Variants in DYNLL1 observed in about 807,000 individuals in gnomAD.
The protein encoded by DYNLL1 is dynein light chain 1, cytoplasmic.
Under a neutral mutation model 10.1 loss-of-function variants are expected in DYNLL1, and 3 were observed. That is an observed-to-expected ratio of 0.30 (90% CI 0.14 to 0.77). The LOEUF (loss-of-function observed/expected upper bound fraction) is 0.77, where lower values mean the gene tolerates loss of function less well. Among genes scored for constraint, DYNLL1 ranks in the 30% least tolerant of loss-of-function variants. DYNLL1 has a pLI of 0.66. For missense variants in DYNLL1, 47 were observed against 111.7 expected (o/e 0.42, Z 2.61); for synonymous variants, 46 against 41.2 (o/e 1.12, Z -0.45).
chr12:120,489,117 T>C (rs1303219124), intron 1 of DYNLL1, among the ~76,000 whole-genome samples: 2 of 152,172 alleles, frequency 1.3e-5, no homozygotes, highest in East Asian at 3.9e-4. Flanking sequence ...TCAGAGAATA[T>C]TGCTAGCTGA....
At chr12:120,488,541 T>C (rs1479883449) in intron 1 of DYNLL1, 1 of 152,198 alleles carries the variant, frequency 6.6e-6, no homozygotes. Flanking sequence ...ATAGGAACTG[T>C]GTCTGACTCG....
intron 2 of DYNLL1, chr12:120,496,793 C>T (rs1868432686): frequency 4.9e-6 from 3 of 618,452 alleles, no homozygotes; most frequent in Non-Finnish European, 8.4e-6. Flanking sequence ...AAAGCGCCAC[C>T]TAGCAACGGT....
At chr12:120,476,229 C>T (rs667913) in intron 1 of DYNLL1, among the ~76,000 whole-genome samples, 111,417 of 151,918 alleles carry the variant, frequency 0.73, 42,010 homozygotes, top group African/African-American at 0.92. Flanking sequence ...TAATGAACTG[C>T]GTCAATATAA....
chr12:120,496,377 G>A, intron 1 of DYNLL1, 39 bp from the exon 2 acceptor site: 1 of 1,610,862 alleles, frequency 6.2e-7, no homozygotes, highest in Non-Finnish European at 8.5e-7. Context: ...TGGGGGGCGC[G>A]GCCCAACTCA....
rs1868538856 is a variant in DYNLL1 at position 120,498,387 on chromosome 12, A to G, written c.*177A>G. 1 of 626,130 alleles carries G rather than the reference A, an allele frequency of 1.6e-6. No individual in the cohort carries two copies. The highest frequency in any genetic ancestry group is 3.1e-5 in the South Asian group (1 of 32,260). 38.8% of individuals were successfully genotyped at this position (626,130 alleles called of 1,614,324 possible). A position where few individuals can be genotyped will look rare whatever the true frequency, so the allele number is the denominator to read the frequency against. On this transcript the variant is annotated 3_prime_UTR_variant, in exon 3 of 3. Transcript: ENST00000242577. Reference sequence around the variant, plus strand: ...ACTAGTTTGTCGTGGTTATAAAACAATTAGCAGAATAGCCTACATTTGTAT... The same window carrying G: ...ACTAGTTTGTCGTGGTTATAAAACAGTTAGCAGAATAGCCTACATTTGTAT...
intron 1 of DYNLL1, among the ~76,000 whole-genome samples, chr12:120,474,728 C>T (rs1168601594): frequency 6.6e-6 from 1 of 152,170 alleles, no homozygotes; most frequent in Non-Finnish European, 1.5e-5. Context: ...CAGTCATGAG[C>T]TCCTCCCAGA....
At chr12:120,490,145 C>T (rs1450448358) in intron 1 of DYNLL1, among the ~76,000 whole-genome samples, 2 of 152,170 alleles carry the variant, frequency 1.3e-5, no homozygotes, top group Non-Finnish European at 2.9e-5. Context: ...AAAAAGGAAA[C>T]TTTGCCTATT....
chr12:120,496,357 A>G, intron 1 of DYNLL1, 59 bp from the exon 2 acceptor site: 1 of 1,604,854 alleles, frequency 6.2e-7, no homozygotes, highest in Non-Finnish European at 8.5e-7. Flanking sequence ...GGGTGGGGGC[A>G]GTTAGTGCCT....
At chr12:120,496,740 A>AT in intron 2 of DYNLL1, 187 bp downstream of exon 2, 79 of 710,146 alleles carry the variant, frequency 1.1e-4, no homozygotes, top group Middle Eastern at 3.4e-4. Context: ...CGGCGTCCGA[A>AT]GTTTTTTTTT....
intron 1 of DYNLL1, among the ~76,000 whole-genome samples, chr12:120,477,207 G>C (rs143302549): frequency 5.7e-4 from 87 of 152,288 alleles, no homozygotes; most frequent in African/African-American, 1.6e-3. Context: ...GGGATTACAG[G>C]TGTGAGTTAC....
At position 120,486,955 on chromosome 12, in the gene DYNLL1, C is replaced by T. The variant is rs370124626; in HGVS notation, c.-6-9461C>T. ...ATTCAGGAGGATGAGAGAGAGACCT[C>T]GGGTTAAAACAGGAGAATCTTTTTT... On this transcript the variant is annotated intron_variant, in intron 1 of 2. Transcript: ENST00000392509. 1.0e-3 allele frequency among the ~76,000 whole-genome samples: 157 copies of T among 151,226 alleles called. 4 individuals carry two copies. In the South Asian group the frequency reaches 0.031, roughly 30 times the overall value.
chr12:120,485,192 G>A lies in DYNLL1; in HGVS notation c.-6-11224G>A, dbSNP rs531556728. On this transcript the variant is annotated intron_variant, in intron 1 of 2. Transcript: ENST00000392509. ...GGATTGCACCACTGTACTCCAGCCT[G>A]GGTGAGAGTGGGACCCCATCTTTAA... Among the ~76,000 whole-genome samples the A allele has an allele frequency of 2.6e-5, 4 of 151,652 alleles. No individual in the cohort carries two copies. In the East Asian group the frequency reaches 7.8e-4, roughly 30 times the overall value.
At chr12:120,479,460 AAAAAAAAAAATAAT>A (rs1404974453) in intron 1 of DYNLL1, among the ~76,000 whole-genome samples, 14 of 133,224 alleles carry the variant, frequency 1.1e-4, no homozygotes, top group Admixed American at 7.1e-4. Context: ...AAAAAAAAAA[AAAAAAAAAAATAAT>A]AATAATAATA....
At chr12:120,494,833 A>G (rs556452862), upstream of DYNLL1, among the ~76,000 whole-genome samples, 14 of 152,326 alleles carry the variant, frequency 9.2e-5, no homozygotes, top group African/African-American at 2.9e-4. Flanking sequence ...TTCCAGATAC[A>G]TGATTAACCT....
At chr12:120,493,268 T>A (rs1376178726), upstream of DYNLL1, among the ~76,000 whole-genome samples, 2 of 152,250 alleles carry the variant, frequency 1.3e-5, no homozygotes, top group Admixed American at 6.5e-5. Flanking sequence ...CCGGGTGCGA[T>A]GGCTCACGCC....
At chr12:120,493,039 G>T (rs1408281029), upstream of DYNLL1, among the ~76,000 whole-genome samples, 1 of 152,098 alleles carries the variant, frequency 6.6e-6, no homozygotes, top group Non-Finnish European at 1.5e-5. Context: ...TTGCAATCCG[G>T]TCGTGGACCC....
At chr12:120,497,110 T>C (rs1479574539) in intron 2 of DYNLL1, 2 of 175,144 alleles carry the variant, frequency 1.1e-5, no homozygotes, top group Non-Finnish European at 2.4e-5. Flanking sequence ...AATGGGAAGA[T>C]GAAAGACTTC....
upstream of DYNLL1, chr12:120,496,100 C>G (rs949309481): frequency 9.0e-6 from 4 of 444,428 alleles, no homozygotes; most frequent in East Asian, 4.4e-5. Flanking sequence ...CGGCGGCTGG[C>G]GTGGGGCTGC....
At chr12:120,488,395 C>A (rs548087) in intron 1 of DYNLL1, among the ~76,000 whole-genome samples, 151,762 of 152,240 alleles carry the variant, frequency 1, 75,643 homozygotes, top group Middle Eastern at 1. Context: ...CTTGCCTCTC[C>A]GGCTAGAGCA....
Sources: allele counts gnomAD v4.1 joint callset (sites outside exome capture counted in the v4.1 genomes callset), GRCh38; gene constraint gnomAD v4.1.1; transcripts MANE v1.5; gene names NCBI Gene and HGNC (gene_info 2026-07-23, HGNC 2026-07-21).